WDPCP: variants seen among roughly 807,000 people sequenced by gnomAD.
WDPCP encodes WD repeat containing planar cell polarity effector, also known as WD repeat-containing and planar cell polarity effector protein fritz homolog.
In WDPCP, 71 loss-of-function variants were observed where a neutral mutation model predicts 93.1. The observed-to-expected ratio is 0.76, with a 90% confidence interval of 0.63 to 0.93. The LOEUF (loss-of-function observed/expected upper bound fraction) is 0.93, where lower values mean the gene tolerates loss of function less well. WDPCP is among the 40% of genes least tolerant of loss of function. WDPCP has a pLI of 0.00. For synonymous variants in WDPCP, 315 were observed against 315.0 expected, an observed-to-expected ratio of 1.00 and a Z score of 0.00; for missense variants, 844 against 887.4, an observed-to-expected ratio of 0.95 and a Z score of 0.62.
At chr2:63,376,252 T>A (rs1175461396) in intron 12 of WDPCP, among the ~76,000 whole-genome samples, 1 of 151,944 alleles carries the variant, frequency 6.6e-6, no homozygotes, top group Non-Finnish European at 1.5e-5. Flanking sequence ...TAGCAAAGTA[T>A]GCAAAAGAAG....
At chr2:63,470,392 A>C (rs185785382) in intron 6 of WDPCP, among the ~76,000 whole-genome samples, 2 of 152,272 alleles carry the variant, frequency 1.3e-5, no homozygotes, top group African/African-American at 4.8e-5. Context: ...CCTCAAAAAT[A>C]TCTCTTCTCA....
chr2:63,577,976 TC>T lies in WDPCP; in HGVS notation c.75+10220del, dbSNP rs1351803035. Among the ~76,000 whole-genome samples, 4 of 152,256 alleles carry T rather than the reference TC, an allele frequency of 2.6e-5. 1 individual carries two copies. The highest frequency in any genetic ancestry group is 9.6e-5 in the African/African-American group (4 of 41,552). On this transcript the variant is annotated intron_variant, in intron 1 of 17. Transcript: ENST00000272321. The stretch of plus-strand genomic sequence containing the variant: ...AAGGTAAATTATACATTGTGGGAAG[TC>T]TAGTTTTGGCTTCAGGAAAATGTTA...
At chr2:63,650,284 C>A (rs982346432) in intron 3 of WDPCP, among the ~76,000 whole-genome samples, 3 of 152,218 alleles carry the variant, frequency 2.0e-5, no homozygotes, top group African/African-American at 7.2e-5. Context: ...ACTCAGGACA[C>A]TGTTGGGGCC....
At chr2:63,570,636 T>C (rs1396551397) in intron 1 of WDPCP, among the ~76,000 whole-genome samples, 1 of 152,250 alleles carries the variant, frequency 6.6e-6, no homozygotes, top group African/African-American at 2.4e-5. Context: ...AATTGAAGTG[T>C]ATATATTATA....
At chr2:63,236,968 C>T (rs1217110059) in intron 14 of WDPCP, among the ~76,000 whole-genome samples, 1 of 151,904 alleles carries the variant, frequency 6.6e-6, no homozygotes, top group African/African-American at 2.4e-5. Context: ...ACAACAGTAA[C>T]AAAAATGAAA....
chr2:63,240,939 C>G (rs1440192088), intron 14 of WDPCP, among the ~76,000 whole-genome samples: 1 of 152,080 alleles, frequency 6.6e-6, no homozygotes, highest in Non-Finnish European at 1.5e-5. Flanking sequence ...ATATAGTAAT[C>G]TAGTATTTCA....
At chr2:63,600,842 T>C (rs547584779) in intron 3 of WDPCP, among the ~76,000 whole-genome samples, 7 of 152,290 alleles carry the variant, frequency 4.6e-5, no homozygotes, top group Non-Finnish European at 8.8e-5. Context: ...GGAAGAGATA[T>C]TATACATGTT....
At chr2:63,487,590 A>C (rs1700645150) in intron 2 of WDPCP, 96 bp from the exon 3 acceptor site, 6 of 854,426 alleles carry the variant, frequency 7.0e-6, no homozygotes, top group Admixed American at 4.4e-5. Flanking sequence ...TAGGGAGAAA[A>C]GCAGAAACAG....
chr2:63,293,033 T>C (rs1684564211), intron 13 of WDPCP, among the ~76,000 whole-genome samples: 1 of 152,204 alleles, frequency 6.6e-6, no homozygotes. Context: ...TGTGAATTGA[T>C]GCTTGATTGC....
chr2:63,494,575 T>C (rs1021690387), intron 1 of WDPCP, among the ~76,000 whole-genome samples: 1 of 152,014 alleles, frequency 6.6e-6, no homozygotes, highest in African/African-American at 2.4e-5. Context: ...TCTACCGTAT[T>C]GGGGTAGGCA....
intron 2 of WDPCP, among the ~76,000 whole-genome samples, chr2:63,802,023 A>G (rs976606554): frequency 2.0e-5 from 3 of 152,184 alleles, no homozygotes; most frequent in African/African-American, 7.2e-5. Context: ...CACCTCTTCA[A>G]GAAAGGTTAT....
At chr2:63,486,774 A>G (rs965634698) in intron 3 of WDPCP, among the ~76,000 whole-genome samples, 188 bp from the exon 4 acceptor site, 7 of 152,008 alleles carry the variant, frequency 4.6e-5, no homozygotes, top group African/African-American at 1.4e-4. Flanking sequence ...GGATGTTTTC[A>G]TTTCATAGAG....
intron 15 of WDPCP, chr2:63,168,565 T>C (rs1259508986): frequency 1.3e-5 from 2 of 152,196 alleles, no homozygotes; most frequent in East Asian, 3.8e-4. Context: ...TTTTATAATT[T>C]TGTGAATTTT....
intron 13 of WDPCP, among the ~76,000 whole-genome samples, chr2:63,273,601 G>A (rs761003568): frequency 6.6e-6 from 1 of 151,762 alleles, no homozygotes; most frequent in Non-Finnish European, 1.5e-5. Flanking sequence ...CACCTGTAAA[G>A]GTACAATAAA....
chr2:63,709,721 TC>T (rs1040415438), intron 2 of WDPCP, among the ~76,000 whole-genome samples: 4 of 152,252 alleles, frequency 2.6e-5, no homozygotes, highest in Non-Finnish European at 4.4e-5. Flanking sequence ...TAGCATATTT[TC>T]CATTCCTACC....
intron 10 of WDPCP, among the ~76,000 whole-genome samples, chr2:63,398,843 T>C (rs954292898): frequency 6.6e-6 from 1 of 152,106 alleles, no homozygotes; most frequent in African/African-American, 2.4e-5. Context: ...ATGCAGTAAC[T>C]TGAATTATAC....
chr2:63,448,234 A>G (rs1364482910), intron 6 of WDPCP, among the ~76,000 whole-genome samples: 1 of 152,086 alleles, frequency 6.6e-6, no homozygotes, highest in Non-Finnish European at 1.5e-5. Context: ...GCCCTTTACA[A>G]CTTCCAGTTC....
intron 2 of WDPCP, among the ~76,000 whole-genome samples, chr2:63,765,148 A>G (rs1670118444): frequency 6.6e-6 from 1 of 152,230 alleles, no homozygotes; most frequent in Admixed American, 6.5e-5. Flanking sequence ...ATTGACTACA[A>G]TAAAGACTAC....
rs78903299 is a variant in WDPCP, at chr2:63,692,417, T to C, written n.309-41579A>G. ...GTAAAATTTTAGAAGAAAATAGTTTTCAAGAAGTTCATCATGAAGTTATTA... is the reference window on the plus strand; with the variant it reads ...GTAAAATTTTAGAAGAAAATAGTTTCCAAGAAGTTCATCATGAAGTTATTA... On this transcript the variant is annotated intron_variant and non_coding_transcript_variant, in intron 2 of 4. Transcript: ENST00000467687. 3.3e-4 allele frequency among the ~76,000 whole-genome samples: 51 copies of C among 152,320 alleles called. 1 individual carries two copies. In the East Asian group the frequency reaches 7.5e-3, roughly 22 times the overall value.
Sources: allele counts gnomAD v4.1 joint callset (sites outside exome capture counted in the v4.1 genomes callset), GRCh38; gene constraint gnomAD v4.1.1; transcripts MANE v1.5; gene names NCBI Gene and HGNC (gene_info 2026-07-23, HGNC 2026-07-21).